The following CMC1 variants were observed in gnomAD, a reference collection of about 807,000 sequenced individuals.
CMC1 encodes the protein COX assembly mitochondrial protein homolog.
A neutral mutation model predicts 14.1 loss-of-function variants in CMC1; 14 were observed. The ratio of observed to expected loss-of-function variants is 0.99; its 90% confidence interval spans 0.66 to 1.55. CMC1 has a LOEUF of 1.55. Ranked by LOEUF, CMC1 falls within the 40% of genes most tolerant of loss-of-function variation. CMC1 has a pLI of 0.00. For synonymous variants in CMC1, 50 were observed against 38.4 expected, an observed-to-expected ratio of 1.30 and a Z score of -1.12; for missense variants, 127 against 123.8, an observed-to-expected ratio of 1.03 and a Z score of -0.12.
intron 2 of CMC1, among the ~76,000 whole-genome samples, chr3:28,269,287 T>C (rs1319143047): frequency 6.6e-6 from 1 of 152,196 alleles, no homozygotes; most frequent in East Asian, 1.9e-4. Flanking sequence ...GCTCATATGC[T>C]CATTATCAGA....
intron 2 of CMC1, among the ~76,000 whole-genome samples, chr3:28,266,829 C>T (rs898283961): frequency 1.3e-5 from 2 of 152,066 alleles, no homozygotes; most frequent in Non-Finnish European, 2.9e-5. Flanking sequence ...TCTTTCTTTG[C>T]TAGTGATATT....
chr3:28,308,982 A>C (rs202158375), intron 2 of CMC1, among the ~76,000 whole-genome samples: 1 of 3,950 alleles, frequency 2.5e-4, no homozygotes, highest in Admixed American at 3.2e-3. Context: ...ACTCCGTCTC[A>C]AAAAAAAATA....
At chr3:28,255,875 A>T (rs1699379724) in intron 1 of CMC1, among the ~76,000 whole-genome samples, 1 of 152,132 alleles carries the variant, frequency 6.6e-6, no homozygotes, top group South Asian at 2.1e-4. Context: ...GTAAAGAGAA[A>T]AAAAGTCATG....
chr3:28,285,955 CG>C (rs1701156857), intron 2 of CMC1, among the ~76,000 whole-genome samples: 1 of 151,888 alleles, frequency 6.6e-6, no homozygotes, highest in African/African-American at 2.4e-5. Flanking sequence ...TTAGTAGAGA[CG>C]GGGTTTCACT....
At chr3:28,299,246 A>T (rs577854482) in intron 2 of CMC1, among the ~76,000 whole-genome samples, 1 of 152,108 alleles carries the variant, frequency 6.6e-6, no homozygotes, top group African/African-American at 2.4e-5. Flanking sequence ...TACTCGTGGC[A>T]TATTGAAGAT....
intron 1 of CMC1, among the ~76,000 whole-genome samples, chr3:28,262,272 C>T (rs1238852082): frequency 6.6e-6 from 1 of 152,034 alleles, no homozygotes; most frequent in Non-Finnish European, 1.5e-5. Context: ...TTAGGTAATC[C>T]ATGGTCCATT....
chr3:28,304,466 T>G (rs1438585302), intron 2 of CMC1, among the ~76,000 whole-genome samples: 2 of 152,094 alleles, frequency 1.3e-5, no homozygotes, highest in East Asian at 3.9e-4. Context: ...AAGTAAGGAT[T>G]TTTATCTGTT....
At chr3:28,244,427 G>A (rs1698700339) in intron 1 of CMC1, among the ~76,000 whole-genome samples, 1 of 152,112 alleles carries the variant, frequency 6.6e-6, no homozygotes, top group Admixed American at 6.5e-5. Flanking sequence ...AATAAGGATG[G>A]TGAGAGAAAG....
chr3:28,295,096 C>T (rs1216983885), intron 2 of CMC1, among the ~76,000 whole-genome samples: 2 of 152,118 alleles, frequency 1.3e-5, no homozygotes, highest in African/African-American at 4.8e-5. Context: ...CTAACAGACT[C>T]ATTTTAACGT....
intron 1 of CMC1, among the ~76,000 whole-genome samples, chr3:28,255,666 C>A (rs553041199): frequency 1.1e-4 from 17 of 148,614 alleles, no homozygotes; most frequent in Non-Finnish European, 4.5e-5. Context: ...AAGCTAGGAA[C>A]GGTTAGTAAC....
At chr3:28,302,904 A>C (rs1702126881) in intron 2 of CMC1, among the ~76,000 whole-genome samples, 1 of 152,182 alleles carries the variant, frequency 6.6e-6, no homozygotes, top group Admixed American at 6.5e-5. Context: ...AATTTCTGCC[A>C]AGCGTAGGAG....
intron 2 of CMC1, among the ~76,000 whole-genome samples, chr3:28,270,694 T>C (rs1042137701): frequency 6.6e-6 from 1 of 152,112 alleles, no homozygotes; most frequent in Non-Finnish European, 1.5e-5. Context: ...TCTCCCATTC[T>C]TTAGGTTGTC....
At chr3:28,247,300 A>G (rs1213386728) in intron 1 of CMC1, among the ~76,000 whole-genome samples, 1 of 152,014 alleles carries the variant, frequency 6.6e-6, no homozygotes, top group African/African-American at 2.4e-5. Context: ...GTGGTTTATT[A>G]ATAGATTGCC....
chr3:28,307,710 T>A lies in CMC1; in HGVS notation c.110-8623T>A, dbSNP rs562418860. On this transcript the variant is annotated intron_variant, in intron 2 of 3. Coordinates refer to ENST00000466830, the MANE Select transcript of CMC1 (RefSeq NM_182523.2). ...ATTGCAAAACATCTTTTAGCCAGTT[T>A]TTCCCCCCACTGTGGTAGTATATTA... 4.6e-5 allele frequency among the ~76,000 whole-genome samples: 7 copies of A among 152,358 alleles called. No individual in the cohort carries two copies. The East Asian group carries it at 1.2e-3, about 25-fold the overall frequency.
At chr3:28,269,534 C>A (rs1700173375) in intron 2 of CMC1, among the ~76,000 whole-genome samples, 1 of 151,696 alleles carries the variant, frequency 6.6e-6, no homozygotes, top group Admixed American at 6.6e-5. Context: ...GTTTGCTGCA[C>A]CTATCAACCC....
intron 2 of CMC1, among the ~76,000 whole-genome samples, chr3:28,305,761 G>A (rs955792119): frequency 1.6e-4 from 21 of 128,380 alleles, no homozygotes; most frequent in Non-Finnish European, 3.2e-4. Flanking sequence ...CCAGTGTCCA[G>A]AAGAGTTTTT....
chr3:28,299,426 T>A (rs1024182930), intron 2 of CMC1, among the ~76,000 whole-genome samples: 1 of 152,140 alleles, frequency 6.6e-6, no homozygotes, highest in Admixed American at 6.6e-5. Flanking sequence ...ATGATCCATC[T>A]AGAGAGAAGC....
chr3:28,306,627 C>T (rs1474584155), intron 2 of CMC1, among the ~76,000 whole-genome samples: 2 of 151,688 alleles, frequency 1.3e-5, no homozygotes, highest in South Asian at 4.2e-4. Flanking sequence ...GAACTACTTA[C>T]ATCTTTAAAA....
rs771482821 is a variant in CMC1, at chr3:28,322,958, A to G, written c.*3329A>G. On this transcript the variant is annotated 3_prime_UTR_variant, in exon 4 of 4. Transcript: ENST00000466830. ...GTAAATCTCCACCCTGAAAGAACTT[A>G]AATTTCCATGTGAAGCCATCTTTAT... The G allele has an allele frequency of 6.6e-6, 1 of 151,132 alleles. No individual in the cohort carries two copies. Among genetic ancestry groups the G allele is most frequent in the Non-Finnish European group, 1.5e-5 (1 of 67,362 alleles). The allele number at this position is 151,132 out of a possible 1,614,324, so 9.4% of individuals were successfully genotyped here.
Sources: allele counts gnomAD v4.1 joint callset (sites outside exome capture counted in the v4.1 genomes callset), GRCh38; gene constraint gnomAD v4.1.1; transcripts MANE v1.5; gene names NCBI Gene and HGNC (gene_info 2026-07-23, HGNC 2026-07-21).